Variants in LDB2 observed in about 807,000 individuals in gnomAD.
LDB2 encodes LIM domain-binding protein 2.
Under a neutral mutation model 44.3 loss-of-function variants are expected in LDB2, and 12 were observed. The ratio of observed to expected loss-of-function variants is 0.27; its 90% CI spans 0.17 to 0.44. The LOEUF (loss-of-function observed/expected upper bound fraction) is 0.44. Ranked by LOEUF, LDB2 falls within the 20% of genes least tolerant of loss-of-function variation. The pLI, the probability that LDB2 is intolerant of heterozygous loss-of-function variation, is 1.00. For synonymous variants in LDB2, 164 were observed against 174.8 expected (o/e 0.94, Z 0.49); for missense variants, 344 against 473.5 (o/e 0.73, Z 2.54).
chr4:16,600,965 C>A (rs1171423294), intron 2 of LDB2, among the ~76,000 whole-genome samples: 1 of 151,966 alleles, frequency 6.6e-6, no homozygotes, highest in African/African-American at 2.4e-5. Context: ...CATTTTATCT[C>A]TTTTAGTAAT....
At chr4:16,731,395 C>T (rs959487169) in intron 2 of LDB2, among the ~76,000 whole-genome samples, 30 of 152,236 alleles carry the variant, frequency 2.0e-4, no homozygotes, top group African/African-American at 6.0e-4. Context: ...TATTTGGAAA[C>T]GGGGCCTTTG....
At chr4:16,560,129 T>C (rs1741476594) in intron 5 of LDB2, among the ~76,000 whole-genome samples, 1 of 152,050 alleles carries the variant, frequency 6.6e-6, no homozygotes, top group Non-Finnish European at 1.5e-5. Flanking sequence ...GATCCAAAAT[T>C]GACACCCTAA....
chr4:16,701,358 G>C (rs1476559479), intron 2 of LDB2, among the ~76,000 whole-genome samples: 1 of 152,194 alleles, frequency 6.6e-6, no homozygotes, highest in Non-Finnish European at 1.5e-5. Context: ...AAAGAGTAGA[G>C]TAGATTGAGT....
chr4:16,764,551 C>A (rs539716915), intron 1 of LDB2, among the ~76,000 whole-genome samples: 49 of 152,010 alleles, frequency 3.2e-4, no homozygotes, highest in Non-Finnish European at 6.5e-4. Flanking sequence ...TCATTCCCTC[C>A]ATTTTCCAAG....
chr4:16,777,808 T>C (rs1772274309), intron 1 of LDB2, among the ~76,000 whole-genome samples: 1 of 152,204 alleles, frequency 6.6e-6, no homozygotes, highest in Non-Finnish European at 1.5e-5. Flanking sequence ...AGAACAGGGC[T>C]GTGACACAGA....
chr4:16,851,122 G>C (rs973936512), intron 1 of LDB2, among the ~76,000 whole-genome samples: 1 of 151,980 alleles, frequency 6.6e-6, no homozygotes, highest in Non-Finnish European at 1.5e-5. Context: ...CCTGCTCTTG[G>C]AGTGAGGAGA....
At chr4:16,581,921 GAAGAAAGA>G (rs139439963) in intron 5 of LDB2, among the ~76,000 whole-genome samples, 3 of 145,260 alleles carry the variant, frequency 2.1e-5, no homozygotes, top group African/African-American at 5.2e-5. Flanking sequence ...ACGAAGGAAA[GAAGAAAGA>G]AAGAAAGAAA....
intron 5 of LDB2, among the ~76,000 whole-genome samples, chr4:16,515,940 C>G (rs1330463331): frequency 6.6e-6 from 1 of 151,844 alleles, no homozygotes; most frequent in Non-Finnish European, 1.5e-5. Context: ...CTTGGCTCAC[C>G]GCAAGCTCTG....
In LDB2 at chr4:16,522,547, G is replaced by A. The variant is rs1207941739; in HGVS notation, c.616-10443C>T. 5.3e-5 allele frequency among the ~76,000 whole-genome samples: 8 copies of A among 152,160 alleles called. No homozygotes were observed. The East Asian group carries it at 1.5e-3, about 29-fold the overall frequency. ...ATGAGCAAAAGTACAAAGGCTATGT[G>A]CAAATACACGATTTTATATGGGGGA... On this transcript the variant is annotated intron_variant, in intron 5 of 7. Coordinates refer to ENST00000304523, the MANE Select transcript of LDB2 (RefSeq NM_001290.5).
At chr4:16,662,208 C>G (rs1314111302) in intron 2 of LDB2, among the ~76,000 whole-genome samples, 2 of 152,148 alleles carry the variant, frequency 1.3e-5, no homozygotes, top group African/African-American at 4.8e-5. Flanking sequence ...CCTTCAGTCC[C>G]TACTCATCAG....
chr4:16,855,751 T>C (rs1459193656), intron 1 of LDB2, among the ~76,000 whole-genome samples: 1 of 151,950 alleles, frequency 6.6e-6, no homozygotes, highest in African/African-American at 2.4e-5. Flanking sequence ...TATTAATGAG[T>C]GTGATTTTTT....
chr4:16,548,374 C>T (rs1160714136), intron 5 of LDB2, among the ~76,000 whole-genome samples: 1 of 152,180 alleles, frequency 6.6e-6, no homozygotes, highest in Non-Finnish European at 1.5e-5. Context: ...CAATGCTCTT[C>T]CTCTTTCCAC....
intron 2 of LDB2, among the ~76,000 whole-genome samples, chr4:16,625,469 C>A (rs955560938): frequency 1.1e-4 from 17 of 152,122 alleles, no homozygotes; most frequent in African/African-American, 4.1e-4. Context: ...AAGACAAGGA[C>A]TTCAAACTGT....
chr4:16,547,071 G>C (rs1031218883), intron 5 of LDB2, among the ~76,000 whole-genome samples: 1 of 152,150 alleles, frequency 6.6e-6, no homozygotes, highest in African/African-American at 2.4e-5. Context: ...AATTAAGGTA[G>C]GGATCTCTAG....
chr4:16,872,333 C>G (rs1716955308), intron 1 of LDB2, among the ~76,000 whole-genome samples: 1 of 151,488 alleles, frequency 6.6e-6, no homozygotes, highest in Admixed American at 6.6e-5. Flanking sequence ...TATTTTTTAT[C>G]TTTATTTTTC....
chr4:16,616,205 C>T (rs575467119), intron 2 of LDB2, among the ~76,000 whole-genome samples: 2 of 152,110 alleles, frequency 1.3e-5, no homozygotes, highest in Non-Finnish European at 2.9e-5. Context: ...TCTCAGAATG[C>T]GTAGTAGGCG....
intron 1 of LDB2, among the ~76,000 whole-genome samples, chr4:16,888,992 GA>G (rs1377938975): frequency 1.3e-5 from 2 of 151,426 alleles, no homozygotes; most frequent in East Asian, 1.9e-4. Flanking sequence ...AACTATTGGT[GA>G]AAAAAAATGT....
In LDB2 at chr4:16,566,072, A is replaced by G. The variant is rs1744417063; in HGVS notation, c.615+19850T>C. 3.3e-5 allele frequency among the ~76,000 whole-genome samples: 5 copies of G among 152,174 alleles called. No homozygotes were observed. The South Asian group carries it at 1.0e-3, about 32-fold the overall frequency. On this transcript the variant is annotated intron_variant, in intron 5 of 7. Coordinates refer to ENST00000304523, the MANE Select transcript of LDB2 (RefSeq NM_001290.5). ...ATTGGAGAAGCTATCCAAGATTTTG[A>G]ACAGAAAGACAAAACATCATCATAA...
At chr4:16,693,347 CTTTT>C (rs71181181) in intron 2 of LDB2, among the ~76,000 whole-genome samples, 28,628 of 111,230 alleles carry the variant, frequency 0.26, 3,042 homozygotes, top group Non-Finnish European at 0.33. Flanking sequence ...AGCAATAGTT[CTTTT>C]TTTTTTTTTT....
Sources: allele counts gnomAD v4.1 joint callset (sites outside exome capture counted in the v4.1 genomes callset), GRCh38; gene constraint gnomAD v4.1.1; transcripts MANE v1.5; gene names NCBI Gene and HGNC (gene_info 2026-07-23, HGNC 2026-07-21).